Variants in KCNG1 observed in about 807,000 individuals in gnomAD.
KCNG1 encodes voltage-gated potassium channel regulatory subunit KCNG1.
Under a neutral mutation model 32.4 loss-of-function variants are expected in KCNG1, and 17 were observed. That is an observed-to-expected ratio of 0.52 (90% CI 0.36 to 0.79). The LOEUF (loss-of-function observed/expected upper bound fraction) is 0.79, where lower values mean the gene tolerates loss of function less well. KCNG1 is among the 30% of genes least tolerant of loss of function. The pLI, the probability that KCNG1 is intolerant of heterozygous loss-of-function variation, is 0.00. For missense variants in KCNG1, 441 were observed against 735.2 expected (o/e 0.60, Z 4.63); for synonymous variants, 358 against 339.9 (o/e 1.05, Z -0.59).
At chr20:51,013,031 C>T (rs1988151432) in intron 1 of KCNG1, among the ~76,000 whole-genome samples, 1 of 150,544 alleles carries the variant, frequency 6.6e-6, no homozygotes, top group African/African-American at 2.4e-5. Flanking sequence ...CGACCGGGTG[C>T]GGTGGCTCAG....
Position 51,004,183 on chromosome 20 carries a change from G to A in KCNG1, c.1398C>T (p.Ser466=), listed in dbSNP as rs1987725851. 1 of 1,614,184 alleles carries A rather than the reference G, an allele frequency of 6.2e-7. No individual in the cohort carries two copies. The highest frequency in any genetic ancestry group is 8.5e-7 in the Non-Finnish European group (1 of 1,180,018). ...VTSIFHTFSR[S]YLELKQEQER... ...CTTGCTCCTGCTTGAGCTCCAGGTA[G>A]GAGCGGGAGAAGGTGTGGAAGATGG... is the stretch of plus-strand genomic sequence containing the variant. The change falls in exon 3 of 3, where the codon TCC becomes TCT. Residue 466 remains serine, a synonymous_variant. Transcript: ENST00000371571. This position sits in a 1 kb window ranked among gnomAD's most constrained non-coding sequence, Gnocchi z 4.3.
chr20:51,007,257 C>G (rs1987864269), intron 2 of KCNG1: 1 of 151,714 alleles, frequency 6.6e-6, no homozygotes, highest in Non-Finnish European at 1.5e-5. Context: ...GCAATCTTGG[C>G]TCACTGCAAC....
At chr20:51,008,588 C>G (rs1258270717) in intron 2 of KCNG1, among the ~76,000 whole-genome samples, 4 of 152,122 alleles carry the variant, frequency 2.6e-5, no homozygotes, top group African/African-American at 9.7e-5. Flanking sequence ...CTGCCTCCAG[C>G]TCCCAAAGTG....
intron 1 of KCNG1, among the ~76,000 whole-genome samples, chr20:51,011,592 G>A (rs1988096997): frequency 6.6e-6 from 1 of 152,182 alleles, no homozygotes; most frequent in Non-Finnish European, 1.5e-5. Flanking sequence ...AGGTGGAGAA[G>A]CCTGGTTAAT....
rs746733379 is a variant in KCNG1, at chr20:51,004,009, T to C, written c.*30A>G. 7.5e-6 allele frequency: 12 copies of C among 1,597,804 alleles called. No individual in the cohort carries two copies. In the Admixed American group the frequency reaches 1.2e-4, roughly 16 times the overall value. The stretch of plus-strand genomic sequence containing the variant: ...GATGGCAATGGCTTCGGGCCACAGA[T>C]GGCAGGCAGGGCAGGCGTGTCCTCC... On this transcript the variant is annotated 3_prime_UTR_variant, in exon 3 of 3. Transcript: ENST00000371571. The surrounding 1 kb of genome is among the most constrained non-coding windows in gnomAD (Gnocchi z 4.3).
chr20:51,009,331 G>A (rs1179923344), intron 2 of KCNG1, among the ~76,000 whole-genome samples: 2 of 152,222 alleles, frequency 1.3e-5, no homozygotes, highest in African/African-American at 2.4e-5. Context: ...ACTGGCAAGG[G>A]GGAGGGCAGT....
rs374798157 is a variant in KCNG1 at position 51,016,776 on chromosome 20, G to A, written c.-27+6094C>T. ...TCGCCTTGGAATTCTCACAAGCTAC[G>A]ATTAGAGTCCGCTGCCCCCCTCCCT... On this transcript the variant is annotated intron_variant, in intron 1 of 2. Coordinates refer to ENST00000371571, the MANE Select transcript of KCNG1 (RefSeq NM_002237.4). 1.1e-3 allele frequency among the ~76,000 whole-genome samples: 170 copies of A among 152,290 alleles called. 5 individuals carry two copies. In the South Asian group the frequency reaches 0.025, roughly 23 times the overall value.
rs1469223074 is a variant in KCNG1, at chr20:51,004,665, G to A, written c.916C>T (p.Leu306=). Residue 306 remains leucine (L), a synonymous_variant, in exon 3 of 3, where the codon CTG becomes TTG. Transcript: ENST00000371571. The surrounding 1 kb of genome is among the most constrained non-coding windows in gnomAD (Gnocchi z 4.3). The stretch of plus-strand genomic sequence containing the variant: ...ATGTAGTAGGGCAGGATGGCCACCA[G>A]GTCGATCAGCGTCAGCGGGCTCCGC... The part of the protein sequence containing the change: ...FLRSPLTLID[L]VAILPYYITL... 1.2e-6 allele frequency: 2 copies of A among 1,603,166 alleles called. No individual in the cohort carries two copies. The highest frequency in any genetic ancestry group is 1.7e-6 in the Non-Finnish European group (2 of 1,174,904).
rs780139443 is a variant in KCNG1 at position 51,010,377 on chromosome 20, G to A, written c.-26-13C>T. ...ATCCCTCTCGGGCCTGTGGGGAGAA[G>A]GGAGGGAAGACCCTCAGTGACCACC... On this transcript the variant is annotated splice_polypyrimidine_tract_variant and intron_variant, in intron 1 of 2. Transcript: ENST00000371571. The A allele has an allele frequency of 6.7e-7, 1 of 1,488,898 alleles. No individual in the cohort carries two copies. The highest frequency in any genetic ancestry group is 8.9e-7 in the Non-Finnish European group (1 of 1,123,540). 92.2% of individuals were successfully genotyped at this position (1,488,898 alleles called of 1,614,324 possible). A position where few individuals can be genotyped will look rare whatever the true frequency, so the allele number is the denominator to read the frequency against.
chr20:51,021,246 A>T (rs752470658), intron 1 of KCNG1, among the ~76,000 whole-genome samples: 1 of 152,212 alleles, frequency 6.6e-6, no homozygotes, highest in Non-Finnish European at 1.5e-5. Flanking sequence ...ATGACTGAGG[A>T]GGGTGATCCC....
rs919816936 is a variant in KCNG1, at chr20:51,010,196, G to T, written c.143C>A (p.Pro48Gln). 3 of 1,594,522 alleles carry T rather than the reference G, an allele frequency of 1.9e-6. No individual in the cohort carries two copies. The highest frequency in any genetic ancestry group is 2.6e-6 in the Non-Finnish European group (3 of 1,171,564). The change falls in exon 2 of 3, where the codon CCG (proline) becomes CAG (glutamine). Residue 48 changes from proline to glutamine, a missense_variant. Pro to Gln is a moderately conservative substitution (Grantham distance 76). Around this residue, in one of 6 missense-constraint regions of KCNG1, gnomAD observed 85 missense variants for 98.2 expected, o/e 0.87. Coordinates refer to ENST00000371571, the MANE Select transcript of KCNG1 (RefSeq NM_002237.4). ...ACAGCCCTGGCGGGGCTCATCCTGCGGCCGCAGCCGCTGCGCCCGGCGGTA... is the reference window on the plus strand; with the variant it reads ...ACAGCCCTGGCGGGGCTCATCCTGCTGCCGCAGCCGCTGCGCCCGGCGGTA... ...AFYRRAQRLR[P>Q]QDEPRQGCQP...
At chr20:51,020,013 C>T (rs111474907) in intron 1 of KCNG1, among the ~76,000 whole-genome samples, 31 of 152,334 alleles carry the variant, frequency 2.0e-4, no homozygotes, top group African/African-American at 7.0e-4. Flanking sequence ...TTGGCCCAGC[C>T]TCCTGAAAGC....
intron 2 of KCNG1, among the ~76,000 whole-genome samples, chr20:51,007,465 C>T (rs6063580): frequency 0.77 from 117,686 of 152,066 alleles, 46,363 homozygotes; most frequent in Middle Eastern, 0.87. Flanking sequence ...GGATTACAGG[C>T]GTGAGCCACC....
At chr20:51,019,771 C>T (rs1327229862) in intron 1 of KCNG1, among the ~76,000 whole-genome samples, 3 of 152,190 alleles carry the variant, frequency 2.0e-5, no homozygotes, top group Non-Finnish European at 4.4e-5. Flanking sequence ...TGCAGCGTTT[C>T]ACTGCCAGTA....
chr20:51,011,204 T>C (rs1215174233), intron 1 of KCNG1, among the ~76,000 whole-genome samples: 1 of 152,220 alleles, frequency 6.6e-6, no homozygotes, highest in Non-Finnish European at 1.5e-5. Context: ...AATTCTCCCA[T>C]ATCCATCTAT....
In KCNG1 at chr20:51,005,404, C is replaced by T. The variant is rs2123208630; in HGVS notation, c.775-598G>A. The T allele has an allele frequency of 6.6e-6, 1 of 152,514 alleles. No individual in the cohort carries two copies. The highest frequency in any genetic ancestry group is 1.5e-5 in the Non-Finnish European group (1 of 68,192). 9.4% of individuals were successfully genotyped at this position (152,514 alleles called of 1,614,324 possible). A position where few individuals can be genotyped will look rare whatever the true frequency, so the allele number is the denominator to read the frequency against. On this transcript the variant is annotated intron_variant, in intron 2 of 2. Transcript: ENST00000371571. This position sits in a 1 kb window ranked among gnomAD's most constrained non-coding sequence, Gnocchi z 4.0. ...CATAGCCAGAGGGATCCTGTTCCTCCTCTGCTTAGCACCCTCCACGGCTCC... is the reference window on the plus strand; with the variant it reads ...CATAGCCAGAGGGATCCTGTTCCTCTTCTGCTTAGCACCCTCCACGGCTCC...
At chr20:51,006,498 T>C (rs1987831150) in intron 2 of KCNG1, 2 of 152,194 alleles carry the variant, frequency 1.3e-5, no homozygotes, top group African/African-American at 4.8e-5. Context: ...GCACATTCAC[T>C]ATGCATCGCT....
chr20:51,019,723 CCCGT>C (rs1447513516), intron 1 of KCNG1, among the ~76,000 whole-genome samples: 1 of 152,004 alleles, frequency 6.6e-6, no homozygotes, highest in Non-Finnish European at 1.5e-5. Flanking sequence ...GTCTCGGGGA[CCCGT>C]CCGTCTCTCT....
Position 51,005,564 on chromosome 20 carries a change from A to G in KCNG1, c.775-758T>C, listed in dbSNP as rs529053175. On this transcript the variant is annotated intron_variant, in intron 2 of 2. Transcript: ENST00000371571. The surrounding 1 kb of genome is among the most constrained non-coding windows in gnomAD (Gnocchi z 4.0). ...TTTACATGAACTCTCCTGGTGACAAATGTTGGTGATAATGTTGGTTAAATA... is the reference window on the plus strand; with the variant it reads ...TTTACATGAACTCTCCTGGTGACAAGTGTTGGTGATAATGTTGGTTAAATA... 1.3e-5 allele frequency: 2 copies of G among 152,324 alleles called. No homozygotes were observed. The highest frequency in any genetic ancestry group is 3.9e-4 in the East Asian group (2 of 5,176). The allele number at this position is 152,324 out of a possible 1,614,324, so 9.4% of individuals were successfully genotyped here.
Sources: gnomAD v4.1 joint callset for allele counts (sites outside exome capture counted in the v4.1 genomes callset) on GRCh38, gnomAD v4.1.1 for gene constraint, gnomAD v4.1.1 regional missense constraint, Gnocchi (gnomAD v3.1) non-coding constraint, MANE v1.5 for transcripts, NCBI Gene and HGNC (gene_info 2026-07-23, HGNC 2026-07-21) for gene names.